FZD4: variants seen among roughly 807,000 people sequenced by gnomAD.
The protein encoded by FZD4 is frizzled-4.
A neutral mutation model predicts 37.3 loss-of-function variants in FZD4; 16 were observed. That is an observed-to-expected ratio of 0.43 (90% CI 0.29 to 0.65). The LOEUF (loss-of-function observed/expected upper bound fraction) is 0.65, where lower values mean the gene tolerates loss of function less well. FZD4 is among the 30% of genes least tolerant of loss of function. FZD4 has a pLI of 0.16. For synonymous variants in FZD4, 246 were observed against 254.8 expected, an observed-to-expected ratio of 0.97 and a Z score of 0.33; for missense variants, 599 against 674.3, an observed-to-expected ratio of 0.89 and a Z score of 1.24.
Position 86,951,167 on chromosome 11 carries a change from C to T in FZD4, c.1589G>A (p.Gly530Glu), listed in dbSNP as rs201256460. ...EKRGNGWVKP[G>E]KGSETVV is the part of the protein sequence containing the mutation. ...TTATACCACAGTCTCACTGCCTTTT[C>T]CAGGCTTCACCCAACCATTTCCTCT... The change falls in exon 2 of 2, where the codon GGA becomes GAA. Residue 530 changes from glycine to glutamate, a missense_variant. Physicochemically the swap from Gly to Glu is moderately conservative, Grantham distance 98. This residue lies in a region of FZD4 where 203 missense variants were observed against 196.8 expected (regional missense o/e 1.03). Transcript: ENST00000531380. The T allele has an allele frequency of 8.9e-5, 144 of 1,614,076 alleles. No homozygotes were observed. The East Asian group carries it at 3.1e-3, about 35-fold the overall frequency.
intron 1 of FZD4, 187 bp downstream of exon 1, chr11:86,954,614 G>C: frequency 1.0e-6 from 1 of 985,372 alleles, no homozygotes; most frequent in African/African-American, 1.7e-5. Flanking sequence ...TCTTTCCCAG[G>C]CCAGATGACT....
At chr11:86,954,765 A>T (rs866483790) in intron 1 of FZD4, 36 bp downstream of exon 1, 1 of 1,568,428 alleles carries the variant, frequency 6.4e-7, no homozygotes, top group Non-Finnish European at 8.6e-7. Context: ...TCCCTCCCCA[A>T]GGGGTCCCGC....
At chr11:86,954,656 A>C in intron 1 of FZD4, 145 bp downstream of exon 1, 1 of 1,436,806 alleles carries the variant, frequency 7.0e-7, no homozygotes, top group Non-Finnish European at 9.1e-7. Flanking sequence ...GTCCCTGAGA[A>C]AGTGGGGGTG....
chr11:86,954,695 T>C (rs1173026209), intron 1 of FZD4, 106 bp downstream of exon 1: 9 of 1,453,244 alleles, frequency 6.2e-6, no homozygotes, highest in Non-Finnish European at 7.2e-6. Flanking sequence ...CCAGGAGAGC[T>C]GTCTCCTTCG....
chr11:86,952,283 C>G lies in FZD4; in HGVS notation c.473G>C (p.Cys158Ser), dbSNP rs1949300933. The G allele has an allele frequency of 6.2e-7, 1 of 1,614,184 alleles. No homozygotes were observed. The highest frequency in any genetic ancestry group is 1.6e-4 in the Middle Eastern group (1 of 6,062). ...FPPQNDHNHMCMEGPGDEEVP... is the reference protein window; with the variant it reads ...FPPQNDHNHMSMEGPGDEEVP... Reference sequence around the variant, plus strand: ...CTCTTCATCACCTGGCCCTTCCATGCACATGTGGTTGTGGTCGTTCTGTGG... The same window carrying G: ...CTCTTCATCACCTGGCCCTTCCATGGACATGTGGTTGTGGTCGTTCTGTGG... Residue 158 changes from cysteine (C) to serine (S), a missense_variant, in exon 2 of 2, where the codon TGC becomes TCC. Cys to Ser is a moderately radical substitution (Grantham distance 112, BLOSUM62 -1). Around this residue, in one of 3 missense-constraint regions of FZD4, gnomAD observed 357 missense variants for 396.1 expected, o/e 0.90. Coordinates refer to ENST00000531380, the MANE Select transcript of FZD4 (RefSeq NM_012193.4).
intron 1 of FZD4, chr11:86,954,535 G>A: frequency 1.0e-6 from 1 of 985,346 alleles, no homozygotes; most frequent in Non-Finnish European, 1.2e-6. Flanking sequence ...GCTCCACTGG[G>A]GTTAGGGGTC....
Position 86,951,272 on chromosome 11 carries a change from A to G in FZD4, c.1484T>C (p.Ile495Thr). ...LLVGITSGMW[I>T]WSAKTLHTWQ... is the part of the protein sequence containing the mutation. ...CGTGTGAAGAGTTTTGGCAGACCAA[A>G]TCCACATGCCTGAAGTGATGCCCAC... Residue 495 changes from isoleucine to threonine, a missense_variant, in exon 2 of 2, where the codon ATT becomes ACT. Ile to Thr is a moderately conservative substitution (Grantham distance 89). Around this residue, in one of 3 missense-constraint regions of FZD4, gnomAD observed 203 missense variants for 196.8 expected, o/e 1.03. Transcript: ENST00000531380. 2 of 1,614,186 alleles carry G rather than the reference A, an allele frequency of 1.2e-6. No individual in the cohort carries two copies. Among genetic ancestry groups the G allele is most frequent in the South Asian group, 2.2e-5 (2 of 91,080 alleles).
rs1237127617 is a variant in FZD4, at chr11:86,952,367, G to A, written c.389C>T (p.Pro130Leu). The A allele has an allele frequency of 6.2e-7, 1 of 1,614,208 alleles. No individual in the cohort carries two copies. The highest frequency in any genetic ancestry group is 1.3e-5 in the African/African-American group (1 of 75,060). ...GGCAAATCCAAATTCCTTCAGGACGGGTTCACAGCGTCTCTTGACTGAAAG... is the reference window on the plus strand; with the variant it reads ...GGCAAATCCAAATTCCTTCAGGACGAGTTCACAGCGTCTCTTGACTGAAAG... ...MCLSVKRRCE[P>L]VLKEFGFAWP... Residue 130 changes from proline (P) to leucine (L), a missense_variant, in exon 2 of 2, where the codon CCC (proline) becomes CTC (leucine). This residue lies in a region of FZD4 where 357 missense variants were observed against 396.1 expected (regional missense o/e 0.90). Coordinates refer to ENST00000531380, the MANE Select transcript of FZD4 (RefSeq NM_012193.4).
chr11:86,947,863 G>A lies in FZD4; in HGVS notation c.*3279C>T, dbSNP rs1949256735. 1 of 152,212 alleles carries A rather than the reference G, an allele frequency of 6.6e-6. No individual in the cohort carries two copies. The highest frequency in any genetic ancestry group is 1.5e-5 in the Non-Finnish European group (1 of 68,060). 9.4% of individuals were successfully genotyped at this position (152,212 alleles called of 1,614,324 possible). A position where few individuals can be genotyped will look rare whatever the true frequency, so the allele number is the denominator to read the frequency against. ...CCATGTTTAATCTCTGGAGGCCAAG[G>A]GATTTCTGAGGAAGCTACAATCATA... On this transcript the variant is annotated 3_prime_UTR_variant, in exon 2 of 2. Coordinates refer to ENST00000531380, the MANE Select transcript of FZD4 (RefSeq NM_012193.4).
intron 1 of FZD4, chr11:86,954,444 C>T: frequency 1.0e-6 from 1 of 985,406 alleles, no homozygotes; most frequent in Non-Finnish European, 1.2e-6. Context: ...ATCACTCCCT[C>T]CAAGTCTTAG....
In FZD4 at chr11:86,950,951, A is replaced by G. The variant is rs1949285081; in HGVS notation, c.*191T>C. 6.0e-6 allele frequency: 4 copies of G among 664,020 alleles called. No homozygotes were observed. The Admixed American group carries it at 9.7e-5, about 16-fold the overall frequency. 41.1% of individuals were successfully genotyped at this position (664,020 alleles called of 1,614,324 possible). ...TGGCTTTTCCATTTTGGATCATTCCAAAGTCTGCAGCAAAATCATTGGTTT... is the reference window on the plus strand; with the variant it reads ...TGGCTTTTCCATTTTGGATCATTCCGAAGTCTGCAGCAAAATCATTGGTTT... On this transcript the variant is annotated 3_prime_UTR_variant, in exon 2 of 2. Coordinates refer to ENST00000531380, the MANE Select transcript of FZD4 (RefSeq NM_012193.4).
Position 86,951,795 on chromosome 11 carries a change from C to T in FZD4, c.961G>A (p.Val321Ile), listed in dbSNP as rs878853344. 6.2e-7 allele frequency: 1 copy of T among 1,614,056 alleles called. No homozygotes were observed. Among genetic ancestry groups the T allele is most frequent in the Non-Finnish European group, 8.5e-7 (1 of 1,179,996 alleles). Residue 321 changes from valine (V) to isoleucine (I), a missense_variant, in exon 2 of 2, where the codon GTT (valine) becomes ATT (isoleucine). Around this residue, in one of 3 missense-constraint regions of FZD4, gnomAD observed 39 missense variants for 81.4 expected, o/e 0.48. Transcript: ENST00000531380. The stretch of plus-strand genomic sequence containing the variant: ...AAAAACCAAGTGAGTGTCAGAATAA[C>T]CCACCAAATGGAGCTGGCCATTCCA... ...FFGMASSIWW[V>I]ILTLTWFLAA... is the part of the protein sequence containing the mutation.
chr11:86,951,058 C>A lies in FZD4; in HGVS notation c.*84G>T. On this transcript the variant is annotated 3_prime_UTR_variant, in exon 2 of 2. Transcript: ENST00000531380. ...GCTAGTTTGTTCAAACTGAGATTCA[C>A]TGCATAAAACTTTTAGTAGAATTTC... 5.6e-6 allele frequency: 8 copies of A among 1,423,300 alleles called. No homozygotes were observed. The South Asian group carries it at 9.2e-5, about 16-fold the overall frequency. The allele number at this position is 1,423,300 out of a possible 1,614,324, so 88.2% of individuals were successfully genotyped here.
At position 86,948,566 on chromosome 11, in the gene FZD4, G is replaced by A. The variant is rs182891556; in HGVS notation, c.*2576C>T. ...CATTGCTAAGGCTACTAATCCAAAT[G>A]GCCACTTCTGATCAAATACACTTTG... On this transcript the variant is annotated 3_prime_UTR_variant, in exon 2 of 2. Coordinates refer to ENST00000531380, the MANE Select transcript of FZD4 (RefSeq NM_012193.4). 7 of 152,140 alleles carry A rather than the reference G, an allele frequency of 4.6e-5. No individual in the cohort carries two copies. Among genetic ancestry groups the A allele is most frequent in the Non-Finnish European group, 7.4e-5 (5 of 68,002 alleles). The allele number at this position is 152,140 out of a possible 1,614,324, so 9.4% of individuals were successfully genotyped here. A position where few individuals can be genotyped will look rare whatever the true frequency, so the allele number is the denominator to read the frequency against.
rs1189567625 is a variant in FZD4 at position 86,946,028 on chromosome 11, C to T, written c.*5114G>A. 8 of 152,560 alleles carry T rather than the reference C, an allele frequency of 5.2e-5. No individual in the cohort carries two copies. Among genetic ancestry groups the T allele is most frequent in the Middle Eastern group, 6.8e-3 (2 of 296 alleles). The allele number at this position is 152,560 out of a possible 1,614,324, so 9.5% of individuals were successfully genotyped here. On this transcript the variant is annotated 3_prime_UTR_variant, in exon 2 of 2. Coordinates refer to ENST00000531380, the MANE Select transcript of FZD4 (RefSeq NM_012193.4). ...TTTTATCTTTTTTTCAGATTACATC[C>T]GATATTTCATCTACCTTTCTTACAA... is the stretch of plus-strand genomic sequence containing the variant.
rs1949251717 is a variant in FZD4, at chr11:86,947,235, AAC to A, written c.*3905_*3906del. 2.3e-5 allele frequency: 4 copies of A among 171,020 alleles called. No individual in the cohort carries two copies. The highest frequency in any genetic ancestry group is 2.8e-4 in the South Asian group (2 of 7,252). 10.6% of individuals were successfully genotyped at this position (171,020 alleles called of 1,614,324 possible). On this transcript the variant is annotated 3_prime_UTR_variant, in exon 2 of 2. Transcript: ENST00000531380. ...CAAACAAACAAACAAACAAACAAACAACAAAAAAAAGGTTCCTTCCAAAGTCT... is the reference window on the plus strand; with the variant it reads ...CAAACAAACAAACAAACAAACAAACAAAAAAAAAGGTTCCTTCCAAAGTCT...
At position 86,954,987 on chromosome 11, in the gene FZD4, C is replaced by G. The variant is rs750475586; in HGVS notation, c.99G>C (p.Pro33=). 6.2e-7 allele frequency: 1 copy of G among 1,612,690 alleles called. No individual in the cohort carries two copies. Among genetic ancestry groups the G allele is most frequent in the African/African-American group, 1.3e-5 (1 of 74,942 alleles). Residue 33 remains proline (P), a synonymous_variant, in exon 1 of 2, where the codon CCG becomes CCC. Transcript: ENST00000531380. ...CTTCCTCGTCCCCGAAGCCCCGCGCCGGCCCCAGGAGCAGCAGCAACTGCA... is the reference window on the plus strand; with the variant it reads ...CTTCCTCGTCCCCGAAGCCCCGCGCGGGCCCCAGGAGCAGCAGCAACTGCA... ...LLLQLLLLLG[P]ARGFGDEEER... is the part of the protein sequence containing the mutation.
At position 86,946,057 on chromosome 11, in the gene FZD4, G is replaced by A. The variant is rs770074267; in HGVS notation, c.*5085C>T. On this transcript the variant is annotated 3_prime_UTR_variant, in exon 2 of 2. Transcript: ENST00000531380. ...ATTTCATCTACCTTTCTTACAAAGA[G>A]CTCAAGGGGCCATCATTTTTTGACC... 6.6e-6 allele frequency: 1 copy of A among 152,462 alleles called. No homozygotes were observed. Among genetic ancestry groups the A allele is most frequent in the African/African-American group, 2.4e-5 (1 of 41,388 alleles). 9.4% of individuals were successfully genotyped at this position (152,462 alleles called of 1,614,324 possible). A position where few individuals can be genotyped will look rare whatever the true frequency, so the allele number is the denominator to read the frequency against.
rs1949286095 is a variant in FZD4, at chr11:86,951,077, G to A, written c.*65C>T. The A allele has an allele frequency of 6.4e-7, 1 of 1,554,736 alleles. No individual in the cohort carries two copies. Among genetic ancestry groups the A allele is most frequent in the African/African-American group, 1.4e-5 (1 of 73,784 alleles). ...GATTCACTGCATAAAACTTTTAGTA[G>A]AATTTCCTCCAAAATGCTGGCATTC... On this transcript the variant is annotated 3_prime_UTR_variant, in exon 2 of 2. Coordinates refer to ENST00000531380, the MANE Select transcript of FZD4 (RefSeq NM_012193.4).
Sources: allele counts gnomAD v4.1 joint callset, GRCh38; gene constraint gnomAD v4.1.1; regional missense constraint gnomAD v4.1.1; transcripts MANE v1.5; gene names NCBI Gene and HGNC (gene_info 2026-07-23, HGNC 2026-07-21).